Variants in MSH6 observed in about 807,000 individuals in gnomAD.
MSH6 encodes DNA mismatch repair protein Msh6.
In MSH6, 85 loss-of-function variants were observed where a neutral mutation model predicts 119.1. The ratio of observed to expected loss-of-function variants is 0.71; its 90% confidence interval spans 0.60 to 0.85. The LOEUF (loss-of-function observed/expected upper bound fraction) is 0.85. MSH6 is among the 40% of genes least tolerant of loss of function. The probability of loss-of-function intolerance (pLI) is 0.00; values close to 1 mark genes in which losing one functional copy is unlikely to be tolerated. For synonymous variants in MSH6, 830 were observed against 586.9 expected, an observed-to-expected ratio of 1.41 and a Z score of -5.99; for missense variants, 2,163 against 1,655.3, an observed-to-expected ratio of 1.31 and a Z score of -5.32.
chr2:47,802,367 G>A (rs1327830422), intron 4 of MSH6, among the ~76,000 whole-genome samples: 1 of 152,008 alleles, frequency 6.6e-6, no homozygotes, highest in African/African-American at 2.4e-5. Context: ...ACGGGGTCTT[G>A]CTGTTTTCAG....
At chr2:47,794,185 A>C (rs1343900274) in intron 2 of MSH6, among the ~76,000 whole-genome samples, 1 of 151,820 alleles carries the variant, frequency 6.6e-6, no homozygotes, top group Admixed American at 6.5e-5. Context: ...TACTAAAAAT[A>C]CAAAAATTAG....
rs774496371 is a variant in MSH6 at position 47,798,715 on chromosome 2, A to G, written c.732A>G (p.Gln244=). ...KTQGSRRSSR[Q]IKKRRVISDS... ...AAGGATCTAGGCGAAGTAGCCGCCA[A>G]ATAAAAAAACGAAGGGTCATATCAG... Residue 244 remains glutamine (Q), a synonymous_variant, in exon 4 of 10, where the codon CAA becomes CAG. Coordinates refer to ENST00000234420, the MANE Select transcript of MSH6 (RefSeq NM_000179.3). 2 of 1,614,086 alleles carry G rather than the reference A, an allele frequency of 1.2e-6. No individual in the cohort carries two copies. Among genetic ancestry groups the G allele is most frequent in the East Asian group, 2.2e-5 (1 of 44,900 alleles).
intron 1 of MSH6, among the ~76,000 whole-genome samples, chr2:47,789,654 C>A (rs887263893): frequency 5.9e-5 from 9 of 152,112 alleles, no homozygotes; most frequent in Admixed American, 4.6e-4. Context: ...TTGCAGGACC[C>A]CCCTGTGAAT....
intron 1 of MSH6, among the ~76,000 whole-genome samples, chr2:47,789,917 G>T (rs1020865263): frequency 1.3e-5 from 2 of 151,870 alleles, no homozygotes; most frequent in African/African-American, 4.8e-5. Flanking sequence ...TAACCTCCCA[G>T]GCTCAAGCTG....
rs771833309 is a variant in MSH6, at chr2:47,803,595, C to G, written c.3348C>G (p.Gly1116=). 6.2e-7 allele frequency: 1 copy of G among 1,614,078 alleles called. No homozygotes were observed. Among genetic ancestry groups the G allele is most frequent in the Non-Finnish European group, 8.5e-7 (1 of 1,180,018 alleles). ...TTATTCCTAATGACATTCTAATAGG[C>G]TGTGAGGAAGAGGAGCAGGAAAATG... ...DDFIPNDILI[G]CEEEEQENGK... is the part of the protein sequence containing the mutation. The change falls in exon 5 of 10, where the codon GGC becomes GGG. Residue 1116 remains glycine (G), a synonymous_variant. Coordinates refer to ENST00000234420, the MANE Select transcript of MSH6 (RefSeq NM_000179.3).
At position 47,803,019 on chromosome 2, in the gene MSH6, C is replaced by G. The variant is rs1318782029; in HGVS notation, c.3173-401C>G. The stretch of plus-strand genomic sequence containing the variant: ...CTCTGCCTCCCAGGTTCAAGTGATT[C>G]TCCTGCCTCAGCCTCCTGCGTAGCT... On this transcript the variant is annotated intron_variant, in intron 4 of 9. Transcript: ENST00000234420. 2.0e-5 allele frequency among the ~76,000 whole-genome samples: 3 copies of G among 152,280 alleles called. No individual in the cohort carries two copies. In the East Asian group the frequency reaches 5.8e-4, roughly 29 times the overall value.
Position 47,806,926 on chromosome 2 carries a change from T to C in MSH6, c.*66T>C. 8.6e-7 allele frequency: 1 copy of C among 1,169,218 alleles called. No homozygotes were observed. The highest frequency in any genetic ancestry group is 1.3e-6 in the Non-Finnish European group (1 of 788,398). The allele number at this position is 1,169,218 out of a possible 1,614,324, so 72.4% of individuals were successfully genotyped here. A position where few individuals can be genotyped will look rare whatever the true frequency, so the allele number is the denominator to read the frequency against. ...GTGGTAAATTCAGACAACATTATGA[T>C]CTAATAAACTTTATTTTTTAAAAAT... On this transcript the variant is annotated 3_prime_UTR_variant, in exon 10 of 10. Transcript: ENST00000234420.
intron 2 of MSH6, among the ~76,000 whole-genome samples, chr2:47,793,073 C>T (rs1303341816): frequency 3.3e-5 from 5 of 151,748 alleles, no homozygotes; most frequent in South Asian, 2.1e-4. Flanking sequence ...GTAATCCCAG[C>T]GCTTTGGAAG....
chr2:47,792,105 C>T (rs997349141), intron 2 of MSH6, among the ~76,000 whole-genome samples: 2 of 152,198 alleles, frequency 1.3e-5, no homozygotes, highest in Admixed American at 1.3e-4. Flanking sequence ...CTCCCCCTAC[C>T]AAAGTGCTGG....
At chr2:47,809,768 A>G (rs1276644760), downstream of MSH6, 2 of 1,077,532 alleles carry the variant, frequency 1.9e-6, no homozygotes, top group East Asian at 2.4e-5. Context: ...AAAAACCTGA[A>G]ATTAGCAAGC....
At chr2:47,791,840 G>C (rs1198881811) in intron 2 of MSH6, among the ~76,000 whole-genome samples, 2 of 150,780 alleles carry the variant, frequency 1.3e-5, no homozygotes, top group Non-Finnish European at 3.0e-5. Context: ...ACGTTGCCTG[G>C]CTATATATAT....
chr2:47,802,985 C>T (rs1430955219), intron 4 of MSH6, among the ~76,000 whole-genome samples: 1 of 152,134 alleles, frequency 6.6e-6, no homozygotes, highest in East Asian at 1.9e-4. Context: ...GATCTTGGCT[C>T]ATTGCAACCT....
intron 3 of MSH6, among the ~76,000 whole-genome samples, chr2:47,797,247 C>T (rs1355560273): frequency 1.3e-5 from 2 of 152,170 alleles, no homozygotes; most frequent in East Asian, 3.9e-4. Context: ...GAGCTGCATC[C>T]TAAAAGACAT....
Position 47,805,709 on chromosome 2 carries a change from T to TAAGA in MSH6, c.3646+3_3646+6dup, listed in dbSNP as rs1558391011. 1 of 1,593,390 alleles carries TAAGA rather than the reference T, an allele frequency of 6.3e-7. No individual in the cohort carries two copies. Among genetic ancestry groups the TAAGA allele is most frequent in the South Asian group, 1.1e-5 (1 of 90,520 alleles). On this transcript the variant is annotated splice_region_variant and intron_variant, in intron 7 of 9. Transcript: ENST00000234420. ...CTCTGGTGCTTGTGGATGAATTAGG[T>TAAGA]AAGACATTAAACTTCTCATTTGAAG... is the stretch of plus-strand genomic sequence containing the variant.
chr2:47,809,522 A>G, downstream of MSH6: 1 of 1,034,548 alleles, frequency 9.7e-7, no homozygotes, highest in South Asian at 1.4e-5. Flanking sequence ...GACATAAGGA[A>G]TCAAGTTATA....
intron 1 of MSH6, chr2:47,784,662 A>G (rs1486822781): frequency 2.0e-5 from 3 of 151,838 alleles, no homozygotes; most frequent in Non-Finnish European, 2.9e-5. Context: ...GGGTTTCTCC[A>G]TGTTGGTCAG....
At position 47,800,808 on chromosome 2, in the gene MSH6, C is replaced by T. The variant is rs760406178; in HGVS notation, c.2825C>T (p.Ala942Val). Residue 942 changes from alanine (A) to valine (V), a missense_variant, in exon 4 of 10, where the codon GCT (alanine) becomes GTT (valine). Coordinates refer to ENST00000234420, the MANE Select transcript of MSH6 (RefSeq NM_000179.3). Reference sequence around the variant, plus strand: ...GACTCTGATTATGACCAAGCTCTTGCTGACATAAGAGAAAATGAACAGAGC... The same window carrying T: ...GACTCTGATTATGACCAAGCTCTTGTTGACATAAGAGAAAATGAACAGAGC... ...GFDSDYDQAL[A>V]DIRENEQSLL... 1 of 1,613,970 alleles carries T rather than the reference C, an allele frequency of 6.2e-7. No homozygotes were observed. Among genetic ancestry groups the T allele is most frequent in the African/African-American group, 1.3e-5 (1 of 74,918 alleles).
chr2:47,809,858 C>A (rs964299186), downstream of MSH6: 9 of 564,630 alleles, frequency 1.6e-5, no homozygotes, highest in Non-Finnish European at 2.5e-5. Context: ...CTATTTCAAC[C>A]ACCAACAGTA....
downstream of MSH6, chr2:47,809,113 A>C (rs1164651620): frequency 8.1e-7 from 1 of 1,240,860 alleles, no homozygotes. Context: ...TTAAAAAGGA[A>C]ATCAGTCTTC....
Sources: allele counts gnomAD v4.1 joint callset (sites outside exome capture counted in the v4.1 genomes callset), GRCh38; gene constraint gnomAD v4.1.1; transcripts MANE v1.5; gene names NCBI Gene and HGNC (gene_info 2026-07-23, HGNC 2026-07-21).